RALYL: variants seen among roughly 807,000 people sequenced by gnomAD.
RALYL encodes the protein RALY RNA binding protein like, also known as RNA-binding Raly-like protein.
RALYL carries 29 observed loss-of-function variants against 35.1 expected under a neutral mutation model. That is an observed-to-expected ratio of 0.83 (90% CI 0.61 to 1.13). The LOEUF is 1.13. Ranked by LOEUF, RALYL falls within the 50% of genes most tolerant of loss-of-function variation. The probability of loss-of-function intolerance (pLI) is 0.00; values close to 1 mark genes in which losing one functional copy is unlikely to be tolerated. For missense variants in RALYL, 359 were observed against 360.4 expected (o/e 1.00, Z 0.03); for synonymous variants, 120 against 127.6 (o/e 0.94, Z 0.40).
At position 84,467,149 on chromosome 8, in the gene RALYL, C is replaced by G. The variant is rs557219781; in HGVS notation, c.-23-62150C>G. ...TTTTGTGTCACTATTTCCTTCAGTT[C>G]TGCTCTGATTTTAGTTATTTCTTGC... On this transcript the variant is annotated intron_variant, in intron 1 of 8. Transcript: ENST00000521268. Among the ~76,000 whole-genome samples the G allele has an allele frequency of 2.4e-4, 36 of 152,168 alleles. No individual in the cohort carries two copies. The South Asian group carries it at 6.8e-3, about 29-fold the overall frequency.
intron 3 of RALYL, among the ~76,000 whole-genome samples, chr8:84,800,752 T>C (rs953683311): frequency 3.9e-5 from 6 of 152,232 alleles, no homozygotes; most frequent in African/African-American, 1.4e-4. Context: ...ATTAAATTGA[T>C]AAATAATTTT....
intron 3 of RALYL, among the ~76,000 whole-genome samples, chr8:84,802,970 A>G (rs2133991260): frequency 6.6e-6 from 1 of 152,330 alleles, no homozygotes; most frequent in Admixed American, 6.5e-5. Context: ...TGGAGGCTGA[A>G]AAAAGAGAGA....
chr8:84,700,345 C>A (rs965952213), intron 2 of RALYL, among the ~76,000 whole-genome samples: 2 of 151,926 alleles, frequency 1.3e-5, no homozygotes, highest in African/African-American at 4.8e-5. Flanking sequence ...GTAAAGATTT[C>A]TTTGACATTA....
chr8:84,197,109 G>T (rs898137852), intron 1 of RALYL, among the ~76,000 whole-genome samples: 4 of 152,124 alleles, frequency 2.6e-5, no homozygotes, highest in African/African-American at 9.7e-5. Context: ...AAAACAGAAT[G>T]ATATACTTAA....
At position 84,754,046 on chromosome 8, in the gene RALYL, G is replaced by T. The variant is rs890686922; in HGVS notation, c.257-20533G>T. 1.2e-4 allele frequency among the ~76,000 whole-genome samples: 18 copies of T among 151,914 alleles called. 1 individual carries two copies. Among genetic ancestry groups the T allele is most frequent in the Non-Finnish European group, 2.4e-4 (16 of 67,960 alleles). On this transcript the variant is annotated intron_variant, in intron 2 of 8. Transcript: ENST00000521268. ...TGTAGATTCTGGATATTAGCCCTTT[G>T]TCAGATGAGTAGGTTGCGAAAATTT...
At chr8:84,701,902 C>T (rs755194331) in intron 2 of RALYL, among the ~76,000 whole-genome samples, 4 of 152,170 alleles carry the variant, frequency 2.6e-5, no homozygotes, top group Non-Finnish European at 5.9e-5. Flanking sequence ...TATCCCTTCA[C>T]CTCACATGGC....
intron 1 of RALYL, among the ~76,000 whole-genome samples, chr8:84,446,555 T>G (rs1354623955): frequency 6.6e-6 from 1 of 152,102 alleles, no homozygotes; most frequent in East Asian, 1.9e-4. Context: ...GGTATGTCAA[T>G]TTTATCATCT....
At chr8:84,654,950 A>T (rs971054849) in intron 2 of RALYL, among the ~76,000 whole-genome samples, 1 of 151,424 alleles carries the variant, frequency 6.6e-6, no homozygotes, top group Non-Finnish European at 1.5e-5. Context: ...ATATATACCT[A>T]GCGGTGGGAT....
chr8:84,326,952 TA>T (rs112349404), intron 1 of RALYL, among the ~76,000 whole-genome samples: 7,216 of 152,224 alleles, frequency 0.047, 265 homozygotes, highest in African/African-American at 0.083. Context: ...ACTAAAGTGT[TA>T]ATGGAGAATG....
chr8:84,379,947 T>C (rs1358550071), intron 1 of RALYL, among the ~76,000 whole-genome samples: 2 of 151,754 alleles, frequency 1.3e-5, no homozygotes, highest in African/African-American at 4.8e-5. Flanking sequence ...ATCATAATAG[T>C]TAGACTATTA....
intron 1 of RALYL, among the ~76,000 whole-genome samples, chr8:84,376,164 T>C (rs1273921005): frequency 6.6e-6 from 1 of 151,790 alleles, no homozygotes; most frequent in Non-Finnish European, 1.5e-5. Flanking sequence ...GAATAGAAAA[T>C]TGACTTATAC....
At chr8:84,583,175 AG>A (rs1811232106) in intron 2 of RALYL, among the ~76,000 whole-genome samples, 1 of 152,162 alleles carries the variant, frequency 6.6e-6, no homozygotes, top group African/African-American at 2.4e-5. Context: ...CAGTAATGTT[AG>A]TCCTCTTGTC....
chr8:84,488,438 T>C (rs1470203195), intron 1 of RALYL, among the ~76,000 whole-genome samples: 1 of 152,050 alleles, frequency 6.6e-6, no homozygotes, highest in Admixed American at 6.6e-5. Flanking sequence ...ATTTTCAAAA[T>C]GTCTCTGCAT....
chr8:84,250,864 C>T (rs746154614), intron 1 of RALYL, among the ~76,000 whole-genome samples: 5 of 152,102 alleles, frequency 3.3e-5, no homozygotes, highest in African/African-American at 4.8e-5. Flanking sequence ...ACTCCCTCAA[C>T]CTTTGGCTAG....
chr8:84,288,004 T>A (rs1273239358), intron 1 of RALYL, among the ~76,000 whole-genome samples: 1 of 152,070 alleles, frequency 6.6e-6, no homozygotes, highest in Non-Finnish European at 1.5e-5. Context: ...ATAAGTATTC[T>A]GAAATAAATG....
At chr8:84,328,681 C>T (rs1846270010) in intron 1 of RALYL, among the ~76,000 whole-genome samples, 1 of 152,098 alleles carries the variant, frequency 6.6e-6, no homozygotes, top group Non-Finnish European at 1.5e-5. Context: ...TTGCAGGATG[C>T]TAAGGTTTGG....
At chr8:84,403,704 T>A (rs188659592) in intron 1 of RALYL, among the ~76,000 whole-genome samples, 2 of 152,144 alleles carry the variant, frequency 1.3e-5, no homozygotes, top group Admixed American at 6.5e-5. Context: ...AAGTAGTTTT[T>A]TTCTAATTCT....
intron 1 of RALYL, among the ~76,000 whole-genome samples, chr8:84,500,162 TATG>T (rs1410809184): frequency 6.6e-6 from 1 of 152,160 alleles, no homozygotes; most frequent in Non-Finnish European, 1.5e-5. Context: ...AAAATTGAAA[TATG>T]ATGATTTAAA....
chr8:84,772,475 T>G lies in RALYL; in HGVS notation c.257-2104T>G, dbSNP rs547150867. Among the ~76,000 whole-genome samples, 137 of 150,540 alleles carry G rather than the reference T, an allele frequency of 9.1e-4. 1 individual carries two copies. In the South Asian group the frequency reaches 0.027, roughly 30 times the overall value. Reference sequence around the variant, plus strand: ...GACATATTTATTATATTGAGTCTTCTAATTTTTCTGTTTATATAAGGTAAC... The same window carrying G: ...GACATATTTATTATATTGAGTCTTCGAATTTTTCTGTTTATATAAGGTAAC... On this transcript the variant is annotated intron_variant, in intron 2 of 8. Coordinates refer to ENST00000521268, the MANE Select transcript of RALYL (RefSeq NM_173848.7).
Sources: gnomAD v4.1 joint callset for allele counts (sites outside exome capture counted in the v4.1 genomes callset) on GRCh38, gnomAD v4.1.1 for gene constraint, MANE v1.5 for transcripts, NCBI Gene and HGNC (gene_info 2026-07-23, HGNC 2026-07-21) for gene names.